MGRN1: variants seen among roughly 807,000 people sequenced by gnomAD.
The protein encoded by MGRN1 is E3 ubiquitin-protein ligase MGRN1.
MGRN1 carries 29 observed loss-of-function variants against 69.2 expected under a neutral mutation model. The observed-to-expected ratio is 0.42, with a 90% CI of 0.31 to 0.57. MGRN1 has a LOEUF of 0.57. Ranked by LOEUF, MGRN1 falls within the 20% of genes least tolerant of loss-of-function variation. The probability of loss-of-function intolerance (pLI) is 0.15; values close to 1 mark genes in which losing one functional copy is unlikely to be tolerated. For missense variants in MGRN1, 998 were observed against 796.2 expected (o/e 1.25, Z -3.05); for synonymous variants, 470 against 344.2 (o/e 1.37, Z -4.04).
chr16:4,659,838 C>T (rs748770918), intron 5 of MGRN1, among the ~76,000 whole-genome samples: 10 of 152,186 alleles, frequency 6.6e-5, no homozygotes, highest in Non-Finnish European at 1.2e-4. Context: ...AGATTTCTTC[C>T]AGGGCCTGTG....
chr16:4,650,671 C>T (rs928697433), intron 2 of MGRN1, 188 bp downstream of exon 2: 2 of 467,922 alleles, frequency 4.3e-6, no homozygotes, highest in East Asian at 3.5e-5. Flanking sequence ...CCTGGTGCTG[C>T]CCCCTAGAGG....
intron 1 of MGRN1, 180 bp from the exon 2 acceptor site, chr16:4,650,185 C>G (rs1050001677): frequency 1.9e-5 from 10 of 516,788 alleles, no homozygotes; most frequent in Admixed American, 1.0e-4. Flanking sequence ...TGCCGGTAAT[C>G]CCAGCTACTC....
chr16:4,658,842 C>CA (rs962392155), intron 5 of MGRN1: 1 of 152,062 alleles, frequency 6.6e-6, no homozygotes, highest in Admixed American at 6.6e-5. Context: ...ATGAAAAATA[C>CA]AAAAATTAGC....
intron 4 of MGRN1, among the ~76,000 whole-genome samples, chr16:4,653,789 G>A (rs1302386520): frequency 6.6e-6 from 1 of 151,574 alleles, no homozygotes. Flanking sequence ...TTTCGCTCTT[G>A]TTGCCCAGGC....
Position 4,652,691 on chromosome 16 carries a change from G to A in MGRN1, c.310G>A (p.Ala104Thr), listed in dbSNP as rs1401246921. ...SLRLVRYKDD[A>T]DSPTEDGDKP... Reference sequence around the variant, plus strand: ...CGCCTGGGGTAGGTACAAAGACGATGCCGACAGCCCCACCGAGGACGGCGA... The same window carrying A: ...CGCCTGGGGTAGGTACAAAGACGATACCGACAGCCCCACCGAGGACGGCGA... The change falls in exon 4 of 17, where the codon GCC becomes ACC. Residue 104 changes from alanine (A) to threonine (T), a missense_variant. Coordinates refer to ENST00000262370, the MANE Select transcript of MGRN1 (RefSeq NM_015246.4). 1 of 1,612,648 alleles carries A rather than the reference G, an allele frequency of 6.2e-7. No individual in the cohort carries two copies. Among genetic ancestry groups the A allele is most frequent in the Non-Finnish European group, 8.5e-7 (1 of 1,179,386 alleles).
chr16:4,660,681 G>A (rs2078656820), intron 5 of MGRN1, among the ~76,000 whole-genome samples: 1 of 152,254 alleles, frequency 6.6e-6, no homozygotes, highest in African/African-American at 2.4e-5. Context: ...GGCTGCCGGT[G>A]CGCGAACTCC....
rs528147258 is a variant in MGRN1, at chr16:4,687,256, C to T, written c.1619-1540C>T. The T allele has an allele frequency of 4.1e-6, 4 of 985,412 alleles. No individual in the cohort carries two copies. The African/African-American group carries it at 5.2e-5, about 13-fold the overall frequency. 61.0% of individuals were successfully genotyped at this position (985,412 alleles called of 1,614,324 possible). On this transcript the variant is annotated intron_variant, in intron 16 of 16. Coordinates refer to ENST00000262370, the MANE Select transcript of MGRN1 (RefSeq NM_015246.4). ...CAGGGTGGCCCAGGTGAGTGTTTTACAGAAGGCGGCTCTGTCCAGGCAGTG... is the reference window on the plus strand; with the variant it reads ...CAGGGTGGCCCAGGTGAGTGTTTTATAGAAGGCGGCTCTGTCCAGGCAGTG...
rs143997621 is a variant in MGRN1 at position 4,671,230 on chromosome 16, G to A, written c.727-161G>A. On this transcript the variant is annotated intron_variant, in intron 8 of 16. Transcript: ENST00000262370. Reference sequence around the variant, plus strand: ...GCTGCTGGTTGGGTGGGGGCAAGCAGCAGGTTTTCCCTGCCCTTCTCCTGG... The same window carrying A: ...GCTGCTGGTTGGGTGGGGGCAAGCAACAGGTTTTCCCTGCCCTTCTCCTGG... The A allele has an allele frequency of 1.8e-4, 113 of 645,460 alleles. 1 individual carries two copies. Among genetic ancestry groups the A allele is most frequent in the Admixed American group, 5.7e-4 (21 of 37,038 alleles). 40.0% of individuals were successfully genotyped at this position (645,460 alleles called of 1,614,324 possible). A position where few individuals can be genotyped will look rare whatever the true frequency, so the allele number is the denominator to read the frequency against.
chr16:4,628,723 T>C (rs1281771370), intron 1 of MGRN1, among the ~76,000 whole-genome samples: 1 of 152,172 alleles, frequency 6.6e-6, no homozygotes, highest in African/African-American at 2.4e-5. Context: ...TTTTAAATTT[T>C]TGGTACAGAT....
chr16:4,638,460 G>A (rs1283661171), intron 1 of MGRN1, among the ~76,000 whole-genome samples: 6 of 149,746 alleles, frequency 4.0e-5, no homozygotes, highest in Non-Finnish European at 7.4e-5. Context: ...GCGAGAGTCC[G>A]TCTCAAAAAA....
At chr16:4,687,630 T>A in intron 16 of MGRN1, 1 of 944,416 alleles carries the variant, frequency 1.1e-6, no homozygotes, top group Non-Finnish European at 1.2e-6. Flanking sequence ...AGAAGGCAGC[T>A]CCAGGAGTGC....
chr16:4,690,700 A>G lies in MGRN1; in HGVS notation c.*1792A>G, dbSNP rs1312887522. The G allele has an allele frequency of 8.6e-5, 13 of 151,882 alleles. No individual in the cohort carries two copies. The allele number at this position is 151,882 out of a possible 1,614,324, so 9.4% of individuals were successfully genotyped here. ...CATGCATGTGTGTGCACTCGGACCG[A>G]GCATCTCCCACGCACCTCTACCCCA... On this transcript the variant is annotated 3_prime_UTR_variant, in exon 17 of 17. Transcript: ENST00000262370.
intron 3 of MGRN1, 91 bp downstream of exon 3, chr16:4,652,142 G>A (rs1056409942): frequency 1.5e-6 from 2 of 1,308,838 alleles, no homozygotes; most frequent in South Asian, 2.5e-5. Context: ...AAAAGGGCAG[G>A]CGGGAGGGGC....
chr16:4,660,759 G>T (rs79201395), intron 5 of MGRN1, among the ~76,000 whole-genome samples: 2,609 of 142,558 alleles, frequency 0.018, 32 homozygotes, highest in Non-Finnish European at 0.03. Flanking sequence ...ACCCTGGGAC[G>T]ATGACTCCTG....
At chr16:4,680,184 A>C in intron 12 of MGRN1, 87 bp downstream of exon 12, 1 of 1,325,860 alleles carries the variant, frequency 7.5e-7, no homozygotes, top group Non-Finnish European at 1.1e-6. Flanking sequence ...TTTCCGCCCC[A>C]GGCTAGTGTC....
chr16:4,668,399 ACT>A (rs1290182176), intron 8 of MGRN1, 87 bp downstream of exon 8: 174 of 1,367,652 alleles, frequency 1.3e-4, no homozygotes, highest in Non-Finnish European at 1.7e-4. Flanking sequence ...ATAGACACAC[ACT>A]CATACACACG....
chr16:4,672,639 C>T (rs1172745053), intron 9 of MGRN1: 2 of 357,552 alleles, frequency 5.6e-6, no homozygotes, highest in East Asian at 7.5e-5. Context: ...GCCATTACAA[C>T]AGGAGCAGCG....
At chr16:4,658,442 A>C (rs2078603648) in intron 5 of MGRN1, among the ~76,000 whole-genome samples, 1 of 150,938 alleles carries the variant, frequency 6.6e-6, no homozygotes, top group Admixed American at 6.6e-5. Context: ...AGGCTGAGGC[A>C]GGAGAATATC....
chr16:4,650,210 G>C (rs1193817743), intron 1 of MGRN1, 155 bp from the exon 2 acceptor site: 3 of 568,562 alleles, frequency 5.3e-6, no homozygotes, highest in Non-Finnish European at 9.3e-6. Flanking sequence ...GGCTGAGGCA[G>C]AAGAATCGCT....
Sources: gnomAD v4.1 joint callset for allele counts (sites outside exome capture counted in the v4.1 genomes callset) on GRCh38, gnomAD v4.1.1 for gene constraint, MANE v1.5 for transcripts, NCBI Gene and HGNC (gene_info 2026-07-23, HGNC 2026-07-21) for gene names.